Variants in EPHA3 observed in about 807,000 individuals in gnomAD.
EPHA3 encodes ephrin type-A receptor 3.
A neutral mutation model predicts 107.1 loss-of-function variants in EPHA3; 42 were observed. The observed-to-expected ratio is 0.39, with a 90% CI of 0.31 to 0.51. The LOEUF (loss-of-function observed/expected upper bound fraction) is 0.51. EPHA3 is among the 20% of genes least tolerant of loss of function. The pLI is 0.78. For synonymous variants in EPHA3, 461 were observed against 424.8 expected (o/e 1.09, Z -1.05); for missense variants, 1,183 against 1,211.2 (o/e 0.98, Z 0.35).
At chr3:89,352,439 T>TA (rs1331083883) in intron 5 of EPHA3, among the ~76,000 whole-genome samples, 1 of 151,370 alleles carries the variant, frequency 6.6e-6, no homozygotes, top group Non-Finnish European at 1.5e-5. Context: ...TCACTTACTA[T>TA]AAAAAACGTT....
intron 3 of EPHA3, among the ~76,000 whole-genome samples, chr3:89,217,594 A>G (rs1458018414): frequency 2.0e-5 from 3 of 152,180 alleles, no homozygotes; most frequent in Non-Finnish European, 4.4e-5. Context: ...CATGAAACCC[A>G]TAAACCCCAC....
chr3:89,356,116 G>T (rs980941730), intron 5 of EPHA3, among the ~76,000 whole-genome samples: 17 of 150,166 alleles, frequency 1.1e-4, no homozygotes, highest in African/African-American at 3.9e-4. Flanking sequence ...AGTTTACTGA[G>T]AATGATGATT....
At chr3:89,165,641 ATG>A (rs1203877813) in intron 2 of EPHA3, among the ~76,000 whole-genome samples, 1 of 152,218 alleles carries the variant, frequency 6.6e-6, no homozygotes, top group East Asian at 1.9e-4. Flanking sequence ...CTTCAAAAAA[ATG>A]TGTTACTTTT....
intron 3 of EPHA3, among the ~76,000 whole-genome samples, chr3:89,254,094 T>C (rs1204920061): frequency 6.6e-6 from 1 of 152,158 alleles, no homozygotes; most frequent in Non-Finnish European, 1.5e-5. Flanking sequence ...TTCACTGCCC[T>C]TTCAGCCCTC....
At chr3:89,388,513 G>C (rs992551059) in intron 5 of EPHA3, among the ~76,000 whole-genome samples, 13 of 152,180 alleles carry the variant, frequency 8.5e-5, no homozygotes, top group African/African-American at 2.9e-4. Flanking sequence ...CTAATGAGTA[G>C]TAGAAGCAGT....
chr3:89,111,187 A>G (rs1559735837), intron 1 of EPHA3, among the ~76,000 whole-genome samples: 1 of 152,116 alleles, frequency 6.6e-6, no homozygotes, highest in Non-Finnish European at 1.5e-5. Flanking sequence ...ACTTAAAAGT[A>G]AAACTTGCAT....
chr3:89,392,092 T>C (rs1708755385), intron 5 of EPHA3, among the ~76,000 whole-genome samples: 1 of 152,170 alleles, frequency 6.6e-6, no homozygotes, highest in Admixed American at 6.6e-5. Context: ...CTTCTTTCTC[T>C]TAATAGGGGA....
intron 5 of EPHA3, among the ~76,000 whole-genome samples, chr3:89,344,982 G>T (rs1707609647): frequency 6.6e-6 from 1 of 151,240 alleles, no homozygotes; most frequent in Admixed American, 6.6e-5. Context: ...AGAAAGAATT[G>T]CAGATTACAA....
chr3:89,466,960 G>A (rs1222786062), intron 15 of EPHA3, among the ~76,000 whole-genome samples: 3 of 151,944 alleles, frequency 2.0e-5, no homozygotes, highest in East Asian at 1.9e-4. Flanking sequence ...TGTCCTTAAG[G>A]CCTAGAGATA....
At chr3:89,474,499 G>A (rs1024922285) in intron 16 of EPHA3, among the ~76,000 whole-genome samples, 3 of 152,150 alleles carry the variant, frequency 2.0e-5, no homozygotes, top group East Asian at 1.9e-4. Flanking sequence ...CTGCTGTAGA[G>A]CACAGAAGCA....
intron 2 of EPHA3, among the ~76,000 whole-genome samples, chr3:89,184,409 G>A (rs530886355): frequency 5.0e-4 from 76 of 152,060 alleles, no homozygotes; most frequent in African/African-American, 1.6e-3. Flanking sequence ...CATTCATTGG[G>A]CTGGTTGTTT....
intron 5 of EPHA3, among the ~76,000 whole-genome samples, chr3:89,357,106 C>CAAAAAAAAAAAAA (rs56717904): frequency 4.4e-4 from 7 of 16,000 alleles, no homozygotes; most frequent in Admixed American, 1.4e-3. Context: ...GACCCTGTCT[C>CAAAAAAAAAAAAA]AAAAAAAAAA....
chr3:89,316,915 T>C (rs1423837965), intron 3 of EPHA3, among the ~76,000 whole-genome samples: 1 of 151,606 alleles, frequency 6.6e-6, no homozygotes, highest in African/African-American at 2.4e-5. Flanking sequence ...GGAGATATTT[T>C]TGTACTCAGT....
At chr3:89,315,926 T>C (rs1472080447) in intron 3 of EPHA3, among the ~76,000 whole-genome samples, 2 of 151,926 alleles carry the variant, frequency 1.3e-5, no homozygotes, top group African/African-American at 4.8e-5. Context: ...TTCCCTGAGG[T>C]ACTTATCAGT....
In EPHA3 at chr3:89,480,295, A is replaced by T. The variant is rs1453871790; in HGVS notation, c.*793A>T. 1.3e-5 allele frequency: 3 copies of T among 232,910 alleles called. No individual in the cohort carries two copies. The highest frequency in any genetic ancestry group is 1.8e-4 in the South Asian group (1 of 5,528). 14.4% of individuals were successfully genotyped at this position (232,910 alleles called of 1,614,324 possible). A position where few individuals can be genotyped will look rare whatever the true frequency, so the allele number is the denominator to read the frequency against. ...TTCTTTCAGATTTTTTGAACCATCC[A>T]CTTACATATATTTTTAAAAAATGAA... On this transcript the variant is annotated 3_prime_UTR_variant, in exon 17 of 17. Transcript: ENST00000336596.
rs936950548 is a variant in EPHA3 at position 89,347,783 on chromosome 3, C to T, written c.1306+5693C>T. On this transcript the variant is annotated intron_variant, in intron 5 of 16. Coordinates refer to ENST00000336596, the MANE Select transcript of EPHA3 (RefSeq NM_005233.6). ...AGATAGCTCTTATCATTTTGAAATACGTCCCATCAATACCTAATTTATTGA... is the reference window on the plus strand; with the variant it reads ...AGATAGCTCTTATCATTTTGAAATATGTCCCATCAATACCTAATTTATTGA... Among the ~76,000 whole-genome samples the T allele has an allele frequency of 3.0e-4, 45 of 150,648 alleles. 2 individuals carry two copies. The South Asian group carries it at 5.8e-3, about 20-fold the overall frequency.
At chr3:89,471,543 T>C (rs962221668) in intron 15 of EPHA3, among the ~76,000 whole-genome samples, 3 of 152,060 alleles carry the variant, frequency 2.0e-5, no homozygotes, top group Non-Finnish European at 4.4e-5. Flanking sequence ...TTGGTATTTT[T>C]AGTAGAGATG....
chr3:89,318,802 T>A (rs755731071), intron 3 of EPHA3, among the ~76,000 whole-genome samples: 1 of 151,948 alleles, frequency 6.6e-6, no homozygotes. Flanking sequence ...GTTATGAGTT[T>A]TCTTATACTG....
At chr3:89,210,837 T>C (rs887455162) in intron 3 of EPHA3, among the ~76,000 whole-genome samples, 5 of 152,174 alleles carry the variant, frequency 3.3e-5, no homozygotes, top group African/African-American at 1.2e-4. Context: ...AAAAACATTC[T>C]ATCTCTTTTA....
Sources: allele counts gnomAD v4.1 joint callset (sites outside exome capture counted in the v4.1 genomes callset), GRCh38; gene constraint gnomAD v4.1.1; transcripts MANE v1.5; gene names NCBI Gene and HGNC (gene_info 2026-07-23, HGNC 2026-07-21).